The following GLIS3 variants were observed in gnomAD, a reference collection of about 807,000 sequenced individuals.
GLIS3 encodes zinc finger protein GLIS3.
In GLIS3, 53 loss-of-function variants were observed where a neutral mutation model predicts 78.6. That is an observed-to-expected ratio of 0.67 (90% CI 0.54 to 0.85). The LOEUF is 0.85. GLIS3 is among the 40% of genes least tolerant of loss of function. The pLI is 0.00. For missense variants in GLIS3, 1,703 were observed against 1,231.1 expected (o/e 1.38, Z -5.74); for synonymous variants, 684 against 509.9 (o/e 1.34, Z -4.60).
chr9:4,392,983 T>G, the GLIS3 span, among the ~76,000 whole-genome samples: 1 of 152,014 alleles, frequency 6.6e-6, no homozygotes, highest in African/African-American at 2.4e-5. Flanking sequence ...TTTTTTAAAG[T>G]GAGGGAGTTT....
chr9:4,054,973 C>A, intron 4 of GLIS3, among the ~76,000 whole-genome samples: 1 of 148,556 alleles, frequency 6.7e-6, no homozygotes, highest in Non-Finnish European at 1.5e-5. Flanking sequence ...TGGGATTTAA[C>A]AAGGATCTGG....
At position 3,932,350 on chromosome 9, in the gene GLIS3, T is replaced by A. The variant is rs1483987809; in HGVS notation, c.1983+10A>T. 1 of 1,599,700 alleles carries A rather than the reference T, an allele frequency of 6.3e-7. No homozygotes were observed. Among genetic ancestry groups the A allele is most frequent in the Non-Finnish European group, 8.6e-7 (1 of 1,167,282 alleles). Reference sequence around the variant, plus strand: ...CTTTTCCCGACTGGAAGATTCTCTTTTAAAATTACCTTTTTCCTTGCTTGT... The same window carrying A: ...CTTTTCCCGACTGGAAGATTCTCTTATAAAATTACCTTTTTCCTTGCTTGT... On this transcript the variant is annotated intron_variant, in intron 6 of 10. Coordinates refer to ENST00000381971, the MANE Select transcript of GLIS3 (RefSeq NM_001042413.2).
chr9:3,925,372 G>C (rs926589047), intron 6 of GLIS3, among the ~76,000 whole-genome samples: 2 of 152,154 alleles, frequency 1.3e-5, no homozygotes, highest in African/African-American at 2.4e-5. Context: ...AATCCTCAGA[G>C]CTGGCATGGG....
At chr9:4,264,249 T>C (rs907355448) in intron 2 of GLIS3, among the ~76,000 whole-genome samples, 5 of 152,126 alleles carry the variant, frequency 3.3e-5, no homozygotes, top group African/African-American at 9.7e-5. Flanking sequence ...GCACAACCAA[T>C]CCTCAGCAAG....
intron 2 of GLIS3, among the ~76,000 whole-genome samples, chr9:4,266,564 T>C (rs1200180162): frequency 6.6e-6 from 1 of 150,446 alleles, no homozygotes; most frequent in Admixed American, 6.7e-5. Flanking sequence ...TACACAAATA[T>C]AGGCCTACAT....
chr9:4,161,873 TG>T (rs1835508898), intron 2 of GLIS3, among the ~76,000 whole-genome samples: 1 of 149,830 alleles, frequency 6.7e-6, no homozygotes. Flanking sequence ...TCAGTAGAGA[TG>T]GGGGTTTCAC....
At chr9:4,245,120 A>G (rs955305528) in intron 2 of GLIS3, among the ~76,000 whole-genome samples, 6 of 152,220 alleles carry the variant, frequency 3.9e-5, no homozygotes, top group Non-Finnish European at 7.3e-5. Flanking sequence ...GTATGTATGT[A>G]TCACAGATTT....
intron 2 of GLIS3, among the ~76,000 whole-genome samples, chr9:4,336,498 G>A (rs1446813824): frequency 1.1e-4 from 4 of 37,170 alleles, no homozygotes; most frequent in Non-Finnish European, 1.7e-4. Flanking sequence ...TACATGTGTC[G>A]GGGTGTTGAT....
chr9:4,297,071 A>G (rs1379554410), intron 1 of GLIS3, among the ~76,000 whole-genome samples: 1 of 152,122 alleles, frequency 6.6e-6, no homozygotes, highest in African/African-American at 2.4e-5. Context: ...GGAGGAGATA[A>G]AAGAGAAGAA....
At position 4,054,436 on chromosome 9, in the gene GLIS3, G is replaced by A. The variant is rs567574547; in HGVS notation, c.1710+63332C>T. On this transcript the variant is annotated intron_variant, in intron 4 of 10. Coordinates refer to ENST00000381971, the MANE Select transcript of GLIS3 (RefSeq NM_001042413.2). ...AACGGTTGGTTACAAACACTTTGGC[G>A]AGAGTCACAGGAGGATGTGCTCTGG... 19 of 985,394 alleles carry A rather than the reference G, an allele frequency of 1.9e-5. No individual in the cohort carries two copies. The Middle Eastern group carries it at 1.6e-3, about 81-fold the overall frequency. The allele number at this position is 985,394 out of a possible 1,614,324, so 61.0% of individuals were successfully genotyped here. A position where few individuals can be genotyped will look rare whatever the true frequency, so the allele number is the denominator to read the frequency against.
At chr9:4,289,753 G>A (rs1828294146) in intron 1 of GLIS3, among the ~76,000 whole-genome samples, 1 of 152,124 alleles carries the variant, frequency 6.6e-6, no homozygotes, top group Admixed American at 6.5e-5. Flanking sequence ...CATAGCTAGA[G>A]TTTTATACTA....
At chr9:3,833,393 C>T (rs1297277863) in intron 9 of GLIS3, among the ~76,000 whole-genome samples, 2 of 152,198 alleles carry the variant, frequency 1.3e-5, no homozygotes, top group African/African-American at 2.4e-5. Context: ...ACACACAAAT[C>T]CAGAGAAGGC....
At chr9:3,963,566 C>T (rs998202898) in intron 4 of GLIS3, among the ~76,000 whole-genome samples, 1 of 152,154 alleles carries the variant, frequency 6.6e-6, no homozygotes, top group Non-Finnish European at 1.5e-5. Flanking sequence ...GCTCTGTGCA[C>T]GGGGACCATC....
At chr9:4,482,274 G>T in the GLIS3 span, among the ~76,000 whole-genome samples, 8 of 152,172 alleles carry the variant, frequency 5.3e-5, no homozygotes, top group Non-Finnish European at 1.2e-4. Flanking sequence ...AAGAGTTCAA[G>T]GTCATATAAC....
chr9:4,005,188 G>A (rs926000150), intron 4 of GLIS3, among the ~76,000 whole-genome samples: 1 of 152,150 alleles, frequency 6.6e-6, no homozygotes, highest in Non-Finnish European at 1.5e-5. Flanking sequence ...GTAAATTGGT[G>A]TTTTCTGTTT....
At chr9:4,388,387 A>G in the GLIS3 span, among the ~76,000 whole-genome samples, 1 of 152,088 alleles carries the variant, frequency 6.6e-6, no homozygotes, top group African/African-American at 2.4e-5. Context: ...TCTTAAGAGT[A>G]GAGAGGCAGG....
intron 7 of GLIS3, among the ~76,000 whole-genome samples, chr9:3,886,029 C>A (rs532795235): frequency 6.6e-6 from 1 of 152,174 alleles, no homozygotes; most frequent in Admixed American, 6.5e-5. Context: ...TATGCCTGAA[C>A]GCCAGTCAAG....
chr9:4,095,783 T>C (rs556458409), intron 4 of GLIS3, among the ~76,000 whole-genome samples: 112 of 152,330 alleles, frequency 7.4e-4, no homozygotes, highest in East Asian at 2.5e-3. Context: ...TTCTTACTAA[T>C]TGTCTGCCAT....
At chr9:4,148,657 G>T (rs1407117297) in intron 2 of GLIS3, among the ~76,000 whole-genome samples, 1 of 152,026 alleles carries the variant, frequency 6.6e-6, no homozygotes, top group Non-Finnish European at 1.5e-5. Context: ...GCTTCCTAAT[G>T]CCTATGAACA....
Sources: gnomAD v4.1 joint callset for allele counts (sites outside exome capture counted in the v4.1 genomes callset) on GRCh38, gnomAD v4.1.1 for gene constraint, MANE v1.5 for transcripts, NCBI Gene and HGNC (gene_info 2026-07-23, HGNC 2026-07-21) for gene names.